Variants in NECTIN3 observed in about 807,000 individuals in gnomAD.
The protein encoded by NECTIN3 is nectin cell adhesion molecule 3.
In NECTIN3, 8 loss-of-function variants were observed where a neutral mutation model predicts 49.4. That is an observed-to-expected ratio of 0.16 (90% confidence interval 0.10 to 0.29). NECTIN3 has a LOEUF of 0.29. Ranked by LOEUF, NECTIN3 falls within the 10% of genes least tolerant of loss-of-function variation. The pLI is 1.00. For missense variants in NECTIN3, 581 were observed against 654.6 expected (o/e 0.89, Z 1.23); for synonymous variants, 277 against 241.1 (o/e 1.15, Z -1.38).
rs541202978 is a variant in NECTIN3 at position 111,173,888 on chromosome 3, A to G, written c.1222-18463A>G. ...TGCATGGTTTTGTTTCCCCTTCTTC[A>G]CTCCCTATTGTTGATAGTAAAATCC... On this transcript the variant is annotated intron_variant, in intron 7 of 8. Coordinates refer to the NECTIN3 transcript ENST00000493615. Among the ~76,000 whole-genome samples, 40 of 150,884 alleles carry G rather than the reference A, an allele frequency of 2.7e-4. 1 individual carries two copies. In the South Asian group the frequency reaches 8.4e-3, roughly 32 times the overall value.
intron 3 of NECTIN3, among the ~76,000 whole-genome samples, chr3:111,120,684 C>T (rs1483823584): frequency 2.6e-5 from 4 of 152,104 alleles, no homozygotes; most frequent in Non-Finnish European, 2.9e-5. Context: ...TGGTCTCTCT[C>T]TCTAGTTTCT....
intron 4 of NECTIN3, among the ~76,000 whole-genome samples, chr3:111,124,325 A>G (rs2107474637): frequency 6.6e-6 from 1 of 152,298 alleles, no homozygotes; most frequent in East Asian, 1.9e-4. Flanking sequence ...TGTGAGGTAC[A>G]GACAATGAAT....
At chr3:111,130,700 A>G (rs1313347281) in intron 5 of NECTIN3, among the ~76,000 whole-genome samples, 1 of 152,086 alleles carries the variant, frequency 6.6e-6, no homozygotes, top group African/African-American at 2.4e-5. Context: ...GATAAATGTA[A>G]GATTTTGGAT....
chr3:111,132,210 T>C (rs570506724), intron 5 of NECTIN3, among the ~76,000 whole-genome samples: 2 of 152,038 alleles, frequency 1.3e-5, no homozygotes, highest in East Asian at 3.9e-4. Context: ...AAATATACTC[T>C]GATAACTAAT....
chr3:111,135,017 G>A lies in NECTIN3; in HGVS notation c.*802G>A, dbSNP rs577754003. 1 of 979,246 alleles carries A rather than the reference G, an allele frequency of 1.0e-6. No homozygotes were observed. The highest frequency in any genetic ancestry group is 1.8e-5 in the African/African-American group (1 of 57,060). 60.7% of individuals were successfully genotyped at this position (979,246 alleles called of 1,614,324 possible). On this transcript the variant is annotated 3_prime_UTR_variant, in exon 6 of 6. Transcript: ENST00000485303. ...CTGGAACATGGATTTTGGTACATTA[G>A]CAGTAGCCTTATTTTAATGCTTTAT...
upstream of NECTIN3, among the ~76,000 whole-genome samples, chr3:111,189,727 C>A (rs1165588686): frequency 1.3e-5 from 2 of 152,190 alleles, no homozygotes; most frequent in Admixed American, 6.5e-5. Flanking sequence ...AGGCACAGTG[C>A]AAAATGAAAA....
At position 111,135,375 on chromosome 3, in the gene NECTIN3, A is replaced by T. The variant is rs1051885254; in HGVS notation, c.*1160A>T. ...TTTCTGTTTTTACGATTAAAACTGG[A>T]AACATGAGGTTTTTTGTTTTTGTTT... is the stretch of plus-strand genomic sequence containing the variant. On this transcript the variant is annotated 3_prime_UTR_variant, in exon 6 of 6. Coordinates refer to ENST00000485303, the MANE Select transcript of NECTIN3 (RefSeq NM_015480.3). 1 of 935,128 alleles carries T rather than the reference A, an allele frequency of 1.1e-6. No homozygotes were observed. The highest frequency in any genetic ancestry group is 1.8e-5 in the African/African-American group (1 of 55,928). 57.9% of individuals were successfully genotyped at this position (935,128 alleles called of 1,614,324 possible).
intron 1 of NECTIN3, among the ~76,000 whole-genome samples, chr3:111,074,024 T>G (rs895205708): frequency 1.3e-5 from 2 of 152,136 alleles, no homozygotes. Context: ...GTGTAGTGTT[T>G]AGAGTCAACT....
chr3:111,082,209 G>A (rs182978424), intron 1 of NECTIN3, among the ~76,000 whole-genome samples: 2 of 152,248 alleles, frequency 1.3e-5, no homozygotes, highest in African/African-American at 4.8e-5. Flanking sequence ...AATCCAGTAA[G>A]GTTTCACATG....
chr3:111,087,288 T>C (rs1439597694), intron 1 of NECTIN3, among the ~76,000 whole-genome samples: 1 of 152,148 alleles, frequency 6.6e-6, no homozygotes, highest in African/African-American at 2.4e-5. Context: ...TTGTTACATG[T>C]GTAATCTCAG....
intron 2 of NECTIN3, 22 bp downstream of exon 2, chr3:111,112,393 AT>A: frequency 7.2e-7 from 1 of 1,384,220 alleles, no homozygotes; most frequent in Non-Finnish European, 9.8e-7. Flanking sequence ...TGAATTATGT[AT>A]TTTGGTGATA....
At chr3:111,180,741 A>G (rs1028367429) in intron 7 of NECTIN3, among the ~76,000 whole-genome samples, 1 of 152,160 alleles carries the variant, frequency 6.6e-6, no homozygotes, top group African/African-American at 2.4e-5. Context: ...CAGTCATCCA[A>G]ATAAGCAATT....
intron 7 of NECTIN3, among the ~76,000 whole-genome samples, chr3:111,154,291 TTTC>T (rs1278757476): frequency 1.1e-4 from 17 of 152,194 alleles, no homozygotes; most frequent in Admixed American, 7.9e-4. Context: ...TCTCTTGGTC[TTTC>T]TTCTTTCACT....
chr3:111,150,872 C>A (rs2107512595), intron 7 of NECTIN3, among the ~76,000 whole-genome samples: 1 of 151,880 alleles, frequency 6.6e-6, no homozygotes, highest in South Asian at 2.1e-4. Flanking sequence ...GTTTCCTATT[C>A]TTTTTAAATG....
At chr3:111,153,028 G>A (rs2035030671) in intron 7 of NECTIN3, among the ~76,000 whole-genome samples, 1 of 151,872 alleles carries the variant, frequency 6.6e-6, no homozygotes, top group Admixed American at 6.6e-5. Context: ...TATGATCTTT[G>A]GGATTAGGGA....
chr3:111,126,737 A>G (rs1244888110), intron 5 of NECTIN3, among the ~76,000 whole-genome samples: 2 of 152,188 alleles, frequency 1.3e-5, no homozygotes, highest in Non-Finnish European at 2.9e-5. Flanking sequence ...AAAATGGAAT[A>G]TTAAATTTGA....
chr3:111,103,874 T>C (rs1280854969), intron 1 of NECTIN3, among the ~76,000 whole-genome samples: 1 of 152,180 alleles, frequency 6.6e-6, no homozygotes, highest in African/African-American at 2.4e-5. Context: ...AATATTTCAT[T>C]GTATGGGTTT....
intron 7 of NECTIN3, among the ~76,000 whole-genome samples, chr3:111,176,187 C>T (rs1327009981): frequency 6.6e-6 from 1 of 152,144 alleles, no homozygotes; most frequent in Non-Finnish European, 1.5e-5. Context: ...CATGGAGTAG[C>T]ATCTAAGTCA....
At chr3:111,142,411 A>G (rs2034769683), downstream of NECTIN3, among the ~76,000 whole-genome samples, 1 of 151,844 alleles carries the variant, frequency 6.6e-6, no homozygotes, top group African/African-American at 2.4e-5. Flanking sequence ...AATGACTGGA[A>G]CCAGGTGAAA....
Sources: gnomAD v4.1 joint callset for allele counts (sites outside exome capture counted in the v4.1 genomes callset) on GRCh38, gnomAD v4.1.1 for gene constraint, MANE v1.5 for transcripts, NCBI Gene and HGNC (gene_info 2026-07-23, HGNC 2026-07-21) for gene names.